The following LRRC8B variants were observed in gnomAD, a reference collection of about 807,000 sequenced individuals.
The protein encoded by LRRC8B is leucine rich repeat containing 8 VRAC subunit B.
Under a neutral mutation model 58.8 loss-of-function variants are expected in LRRC8B, and 23 were observed. The ratio of observed to expected loss-of-function variants is 0.39; its 90% CI spans 0.28 to 0.55. The LOEUF is 0.55. Among genes scored for constraint, LRRC8B ranks in the 20% least tolerant of loss-of-function variants. The probability of loss-of-function intolerance (pLI) is 0.62; values close to 1 mark genes in which losing one functional copy is unlikely to be tolerated. For missense variants in LRRC8B, 694 were observed against 936.0 expected, an observed-to-expected ratio of 0.74 and a Z score of 3.37; for synonymous variants, 359 against 374.1, an observed-to-expected ratio of 0.96 and a Z score of 0.47.
intron 1 of LRRC8B, among the ~76,000 whole-genome samples, chr1:89,566,444 C>T (rs554356174): frequency 6.6e-6 from 1 of 152,324 alleles, no homozygotes; most frequent in East Asian, 1.9e-4. Flanking sequence ...AAGCCTTAAA[C>T]TTATACAATT....
chr1:89,541,666 C>A (rs371868266), intron 1 of LRRC8B, among the ~76,000 whole-genome samples: 1 of 129,174 alleles, frequency 7.7e-6, no homozygotes, highest in Non-Finnish European at 1.6e-5. Context: ...AGCCGAGATC[C>A]CGCCACTGCA....
At position 89,582,624 on chromosome 1, in the gene LRRC8B, G is replaced by A. The variant is rs1348893601; in HGVS notation, c.-26-1G>A. The stretch of plus-strand genomic sequence containing the variant: ...GTGTTTCTTTTATTTCCCTCTTCCA[G>A]TTTCTGTCCTCCTACAAGGGAAAGT... On this transcript the variant is annotated splice_acceptor_variant, in intron 4 of 5. Coordinates refer to ENST00000330947, the MANE Select transcript of LRRC8B (RefSeq NM_001369817.2). LOFTEE classifies it low-confidence loss of function (5UTR_SPLICE). The A allele has an allele frequency of 6.5e-7, 1 of 1,542,572 alleles. No individual in the cohort carries two copies. The highest frequency in any genetic ancestry group is 8.9e-7 in the Non-Finnish European group (1 of 1,118,968).
intron 3 of LRRC8B, among the ~76,000 whole-genome samples, chr1:89,569,861 C>G (rs1038519399): frequency 2.6e-5 from 4 of 152,082 alleles, no homozygotes; most frequent in African/African-American, 9.7e-5. Flanking sequence ...CTTTCTTCTC[C>G]CACCCTCCAC....
intron 1 of LRRC8B, among the ~76,000 whole-genome samples, chr1:89,551,936 A>G (rs1651851530): frequency 1.3e-5 from 2 of 152,202 alleles, no homozygotes; most frequent in Admixed American, 6.5e-5. Flanking sequence ...TATTATATAT[A>G]TTTATATACA....
chr1:89,596,654 C>T lies in LRRC8B; in HGVS notation c.*3611C>T, dbSNP rs116566120. The T allele has an allele frequency of 5.3e-3, 811 of 152,258 alleles. 9 individuals carry two copies. The highest frequency in any genetic ancestry group is 0.018 in the African/African-American group (740 of 41,570). 9.4% of individuals were successfully genotyped at this position (152,258 alleles called of 1,614,324 possible). A position where few individuals can be genotyped will look rare whatever the true frequency, so the allele number is the denominator to read the frequency against. ...TTCCATCTTCACATTCTCTTAGCATCATCCTATGCACATAAGGTATGTTGT... is the reference window on the plus strand; with the variant it reads ...TTCCATCTTCACATTCTCTTAGCATTATCCTATGCACATAAGGTATGTTGT... On this transcript the variant is annotated 3_prime_UTR_variant, in exon 6 of 6. Transcript: ENST00000330947.
At position 89,583,941 on chromosome 1, in the gene LRRC8B, G is replaced by A. The variant is rs756322106; in HGVS notation, c.1291G>A (p.Gly431Ser). 2.4e-5 allele frequency: 38 copies of A among 1,614,014 alleles called. No individual in the cohort carries two copies. Among genetic ancestry groups the A allele is most frequent in the Admixed American group, 1.2e-4 (7 of 59,992 alleles). ...AGAACTGCATCTTTTTATGCTCAACGGTCTTCCAGACAATGTCTTTGAGTT... is the reference window on the plus strand; with the variant it reads ...AGAACTGCATCTTTTTATGCTCAACAGTCTTCCAGACAATGTCTTTGAGTT... ...KIELHLFMLNGLPDNVFELTE... is the reference protein window; with the variant it reads ...KIELHLFMLNSLPDNVFELTE... The change falls in exon 5 of 6, where the codon GGT becomes AGT. Residue 431 changes from glycine (G) to serine (S), a missense_variant. Transcript: ENST00000330947. This position sits in a 1 kb window ranked among gnomAD's most constrained non-coding sequence, Gnocchi z 5.2.
chr1:89,536,080 A>G (rs1022579335), intron 1 of LRRC8B, among the ~76,000 whole-genome samples: 2 of 152,116 alleles, frequency 1.3e-5, no homozygotes, highest in East Asian at 1.9e-4. Context: ...TAGCAAAACA[A>G]CTTGTAGCAA....
rs368231067 is a variant in LRRC8B, at chr1:89,584,444, A to G, written c.1794A>G (p.Glu598=). The G allele has an allele frequency of 2.5e-6, 4 of 1,614,094 alleles. No homozygotes were observed. Among genetic ancestry groups the G allele is most frequent in the Non-Finnish European group, 3.4e-6 (4 of 1,180,048 alleles). The change falls in exon 5 of 6, where the codon GAA becomes GAG. Residue 598 remains glutamate (E), a synonymous_variant. Transcript: ENST00000330947. ...KSLELISCDL[E]RIPHSIFSLN... ...TAGAACTGATCAGCTGTGACCTGGAACGCATCCCACATTCCATTTTCAGCC... is the reference window on the plus strand; with the variant it reads ...TAGAACTGATCAGCTGTGACCTGGAGCGCATCCCACATTCCATTTTCAGCC...
At chr1:89,554,532 C>A (rs1175996416) in intron 1 of LRRC8B, among the ~76,000 whole-genome samples, 1 of 152,138 alleles carries the variant, frequency 6.6e-6, no homozygotes, top group African/African-American at 2.4e-5. Flanking sequence ...GCCTTCATTA[C>A]CTGGGCCAGT....
chr1:89,530,629 A>G lies in LRRC8B; in HGVS notation c.-241+5607A>G, dbSNP rs114147958. Among the ~76,000 whole-genome samples the G allele has an allele frequency of 1.3e-3, 205 of 152,326 alleles. 1 individual carries two copies. The highest frequency in any genetic ancestry group is 4.6e-3 in the African/African-American group (191 of 41,582). ...TGAAACCATATGGCTGAATGAAGAA[A>G]GACTGTTGGCAAAAAATCAGTAGCG... On this transcript the variant is annotated intron_variant, in intron 1 of 5. Transcript: ENST00000330947.
In LRRC8B at chr1:89,593,167, G is replaced by A. The variant is rs1279842153; in HGVS notation, c.*124G>A. The A allele has an allele frequency of 4.2e-6, 4 of 957,080 alleles. No individual in the cohort carries two copies. Among genetic ancestry groups the A allele is most frequent in the Middle Eastern group, 6.5e-4 (2 of 3,058 alleles). The allele number at this position is 957,080 out of a possible 1,614,324, so 59.3% of individuals were successfully genotyped here. ...AGATGGGCGGATTGCTTGAGGTCAGGAGTTCGAGACCAGTCTGGCCAACCT... is the reference window on the plus strand; with the variant it reads ...AGATGGGCGGATTGCTTGAGGTCAGAAGTTCGAGACCAGTCTGGCCAACCT... On this transcript the variant is annotated 3_prime_UTR_variant, in exon 6 of 6. Coordinates refer to ENST00000330947, the MANE Select transcript of LRRC8B (RefSeq NM_001369817.2).
At chr1:89,541,407 A>G (rs1465897186) in intron 1 of LRRC8B, among the ~76,000 whole-genome samples, 1 of 152,124 alleles carries the variant, frequency 6.6e-6, no homozygotes, top group Non-Finnish European at 1.5e-5. Context: ...TTCTATTTTT[A>G]TCAATTAAAA....
intron 3 of LRRC8B, among the ~76,000 whole-genome samples, chr1:89,573,072 G>C (rs1653581149): frequency 2.6e-5 from 4 of 152,230 alleles, no homozygotes; most frequent in South Asian, 4.1e-4. Flanking sequence ...AGGCTGAGGT[G>C]GGCGGATCAC....
Position 89,547,549 on chromosome 1 carries a change from G to A in LRRC8B, c.-240-20698G>A, listed in dbSNP as rs527805297. Among the ~76,000 whole-genome samples the A allele has an allele frequency of 2.1e-3, 320 of 152,318 alleles. 2 individuals carry two copies. Among genetic ancestry groups the A allele is most frequent in the African/African-American group, 7.4e-3 (306 of 41,576 alleles). ...AATGAAAATAAATTGCCTGTACCTA[G>A]TAGACATAGATAGCAATCCAGTCTG... On this transcript the variant is annotated intron_variant, in intron 1 of 5. Transcript: ENST00000330947.
rs542790414 is a variant in LRRC8B at position 89,574,904 on chromosome 1, G to A, written c.-124-4687G>A. Reference sequence around the variant, plus strand: ...CAAAGGCATAGCTGTAAGACCCTTCGTTAAAACGTCAAAAAGATTGAAGGC... The same window carrying A: ...CAAAGGCATAGCTGTAAGACCCTTCATTAAAACGTCAAAAAGATTGAAGGC... On this transcript the variant is annotated intron_variant, in intron 3 of 5. Transcript: ENST00000330947. 3.0e-4 allele frequency among the ~76,000 whole-genome samples: 46 copies of A among 152,300 alleles called. 3 individuals carry two copies. In the South Asian group the frequency reaches 8.1e-3, roughly 27 times the overall value.
At chr1:89,592,714 C>A in intron 5 of LRRC8B, 57 bp from the exon 6 acceptor site, 6 of 1,341,144 alleles carry the variant, frequency 4.5e-6, no homozygotes, top group Non-Finnish European at 5.1e-6. Flanking sequence ...AGGTAAATGT[C>A]TTATCATAAG....
intron 5 of LRRC8B, among the ~76,000 whole-genome samples, chr1:89,588,824 G>A (rs1203854640): frequency 6.6e-6 from 1 of 152,200 alleles, no homozygotes; most frequent in South Asian, 2.1e-4. Flanking sequence ...CACTGAGTCC[G>A]CAGACTGCAG....
At chr1:89,534,465 G>A (rs1457534746) in intron 1 of LRRC8B, among the ~76,000 whole-genome samples, 1 of 151,940 alleles carries the variant, frequency 6.6e-6, no homozygotes, top group African/African-American at 2.4e-5. Flanking sequence ...TAATCCCAGT[G>A]TAACACTGTT....
intron 1 of LRRC8B, among the ~76,000 whole-genome samples, chr1:89,528,597 A>T (rs1482438403): frequency 6.6e-6 from 1 of 152,228 alleles, no homozygotes; most frequent in Non-Finnish European, 1.5e-5. Context: ...GAGACTGCAA[A>T]GAACAATGGC....
Sources: allele counts gnomAD v4.1 joint callset (sites outside exome capture counted in the v4.1 genomes callset), GRCh38; gene constraint gnomAD v4.1.1; non-coding constraint Gnocchi (gnomAD v3.1); transcripts MANE v1.5; gene names NCBI Gene and HGNC (gene_info 2026-07-23, HGNC 2026-07-21).